Variants in UNC5C observed in about 807,000 individuals in gnomAD.
The protein encoded by UNC5C is netrin receptor UNC5C.
A neutral mutation model predicts 99.8 loss-of-function variants in UNC5C; 47 were observed. The observed-to-expected ratio is 0.47, with a 90% CI of 0.37 to 0.60. UNC5C has a LOEUF of 0.60. UNC5C is among the 20% of genes least tolerant of loss of function. The pLI is 0.00. For synonymous variants in UNC5C, 487 were observed against 452.2 expected, an observed-to-expected ratio of 1.08 and a Z score of -0.98; for missense variants, 1,062 against 1,165.9, an observed-to-expected ratio of 0.91 and a Z score of 1.30.
chr4:95,462,506 T>C (rs1478104370), intron 1 of UNC5C, among the ~76,000 whole-genome samples: 2 of 152,144 alleles, frequency 1.3e-5, no homozygotes, highest in Non-Finnish European at 2.9e-5. Context: ...ACTATAAAAA[T>C]GAAAATTTCA....
intron 1 of UNC5C, among the ~76,000 whole-genome samples, chr4:95,412,387 G>A (rs991043854): frequency 3.9e-5 from 6 of 152,098 alleles, no homozygotes; most frequent in Non-Finnish European, 7.4e-5. Flanking sequence ...CAAGGACCCT[G>A]CTTTTCTTTT....
intron 15 of UNC5C, 34 bp from the exon 16 acceptor site, chr4:95,169,433 T>C: frequency 6.2e-7 from 1 of 1,607,080 alleles, no homozygotes; most frequent in Non-Finnish European, 8.5e-7. Context: ...TGCTCAACAG[T>C]GTGACTTACA....
At chr4:95,520,059 C>T (rs1460696510) in intron 1 of UNC5C, among the ~76,000 whole-genome samples, 2 of 152,096 alleles carry the variant, frequency 1.3e-5, no homozygotes, top group Admixed American at 6.5e-5. Flanking sequence ...TCGCAACACT[C>T]CAAACACTTT....
intron 11 of UNC5C, among the ~76,000 whole-genome samples, chr4:95,204,279 A>G (rs764325703): frequency 1.2e-4 from 18 of 152,352 alleles, no homozygotes; most frequent in Middle Eastern, 3.4e-3. Context: ...ATTCATCTAT[A>G]TGGTTCAGGC....
chr4:95,235,294 C>G lies in UNC5C; in HGVS notation c.1108+7135G>C, dbSNP rs141693129. Among the ~76,000 whole-genome samples the G allele has an allele frequency of 2.3e-3, 355 of 152,242 alleles. 2 individuals are homozygous for G. The highest frequency in any genetic ancestry group is 8.0e-3 in the African/African-American group (333 of 41,534). On this transcript the variant is annotated intron_variant, in intron 7 of 15. Coordinates refer to ENST00000453304, the MANE Select transcript of UNC5C (RefSeq NM_003728.4). The stretch of plus-strand genomic sequence containing the variant: ...ATTATAAACATAATGGAATACTAAG[C>G]ATAAATAATGTATAGAATAGAAAGC...
At chr4:95,181,486 C>G (rs980191728) in intron 14 of UNC5C, among the ~76,000 whole-genome samples, 1 of 152,144 alleles carries the variant, frequency 6.6e-6, no homozygotes, top group African/African-American at 2.4e-5. Context: ...TCACCCCCCT[C>G]CAAAATTCCG....
chr4:95,301,695 A>G lies in UNC5C; in HGVS notation c.401T>C (p.Leu134Pro). ...IEISRQQVEE[L>P]FGPEDYWCQC... ...GCACCAGTAATCTTCAGGTCCAAAGAGTTCTTCCACTTGCTGGCGCGAAAT... is the reference window on the plus strand; with the variant it reads ...GCACCAGTAATCTTCAGGTCCAAAGGGTTCTTCCACTTGCTGGCGCGAAAT... The change falls in exon 3 of 16, where the codon CTC becomes CCC. Residue 134 changes from leucine (L) to proline (P), a missense_variant. Coordinates refer to ENST00000453304, the MANE Select transcript of UNC5C (RefSeq NM_003728.4). 2 of 1,613,522 alleles carry G rather than the reference A, an allele frequency of 1.2e-6. No homozygotes were observed. Among genetic ancestry groups the G allele is most frequent in the Non-Finnish European group, 1.7e-6 (2 of 1,180,028 alleles).
chr4:95,171,584 C>A (rs1579194294), intron 14 of UNC5C, among the ~76,000 whole-genome samples: 1 of 152,100 alleles, frequency 6.6e-6, no homozygotes, highest in African/African-American at 2.4e-5. Flanking sequence ...TTTTTCATGG[C>A]TGCATAGTAT....
intron 1 of UNC5C, among the ~76,000 whole-genome samples, chr4:95,532,419 T>C (rs1330141605): frequency 4.8e-5 from 7 of 145,844 alleles, no homozygotes; most frequent in Non-Finnish European, 8.9e-5. Flanking sequence ...TATGTATGCA[T>C]CAACAAAATA....
chr4:95,181,494 C>T (rs1736609319), intron 14 of UNC5C, among the ~76,000 whole-genome samples: 1 of 152,098 alleles, frequency 6.6e-6, no homozygotes, highest in Non-Finnish European at 1.5e-5. Context: ...CTCCAAAATT[C>T]CGCAGCCTTT....
At chr4:95,523,807 T>C (rs191832058) in intron 1 of UNC5C, among the ~76,000 whole-genome samples, 23 of 152,306 alleles carry the variant, frequency 1.5e-4, no homozygotes, top group Middle Eastern at 6.8e-3. Context: ...CAATGTTACC[T>C]TTAGAAATAA....
At chr4:95,419,380 G>C (rs1560825975) in intron 1 of UNC5C, among the ~76,000 whole-genome samples, 1 of 151,874 alleles carries the variant, frequency 6.6e-6, no homozygotes. Flanking sequence ...TTGCCTTTTT[G>C]CCCATGGGTT....
At chr4:95,209,290 C>A (rs1040700531) in intron 10 of UNC5C, among the ~76,000 whole-genome samples, 1 of 152,170 alleles carries the variant, frequency 6.6e-6, no homozygotes, top group African/African-American at 2.4e-5. Context: ...TTTATCAGCA[C>A]GCATAAAACT....
At chr4:95,292,214 T>TAC (rs1224582697) in intron 3 of UNC5C, among the ~76,000 whole-genome samples, 2 of 106,936 alleles carry the variant, frequency 1.9e-5, no homozygotes, top group Non-Finnish European at 3.9e-5. Context: ...TATACATATA[T>TAC]ATACACACAC....
intron 4 of UNC5C, among the ~76,000 whole-genome samples, chr4:95,269,284 T>TTTTG (rs1240335972): frequency 2.0e-5 from 3 of 151,744 alleles, no homozygotes; most frequent in Non-Finnish European, 4.4e-5. Flanking sequence ...TGCAGAGTGG[T>TTTTG]TTTGTTTGTT....
intron 3 of UNC5C, among the ~76,000 whole-genome samples, chr4:95,298,403 C>T (rs1279648673): frequency 2.0e-5 from 3 of 152,154 alleles, no homozygotes; most frequent in African/African-American, 7.2e-5. Flanking sequence ...CATCTTTAGC[C>T]CAGGCCTTAC....
At chr4:95,444,361 C>T (rs1472984436) in intron 1 of UNC5C, among the ~76,000 whole-genome samples, 1 of 148,096 alleles carries the variant, frequency 6.8e-6, no homozygotes, top group Non-Finnish European at 1.5e-5. Context: ...GACGGAGTCT[C>T]GCTCTGTCGC....
Position 95,165,976 on chromosome 4 carries a change from A to T in UNC5C, c.*3258T>A, listed in dbSNP as rs192632253. 6.6e-6 allele frequency: 1 copy of T among 152,286 alleles called. No individual in the cohort carries two copies. The highest frequency in any genetic ancestry group is 1.9e-4 in the East Asian group (1 of 5,180). 9.4% of individuals were successfully genotyped at this position (152,286 alleles called of 1,614,324 possible). On this transcript the variant is annotated 3_prime_UTR_variant, in exon 16 of 16. Coordinates refer to ENST00000453304, the MANE Select transcript of UNC5C (RefSeq NM_003728.4). ...GTGATGCAAATGAAAAAAAAGTGAGAATAAGAAAATTATAAATTTGAAGTG... is the reference window on the plus strand; with the variant it reads ...GTGATGCAAATGAAAAAAAAGTGAGTATAAGAAAATTATAAATTTGAAGTG...
intron 10 of UNC5C, among the ~76,000 whole-genome samples, chr4:95,207,057 T>C (rs1470898901): frequency 1.3e-5 from 2 of 152,132 alleles, no homozygotes; most frequent in Non-Finnish European, 2.9e-5. Context: ...CCTCCGACAC[T>C]GGTCTTTCTA....
Sources: allele counts gnomAD v4.1 joint callset (sites outside exome capture counted in the v4.1 genomes callset), GRCh38; gene constraint gnomAD v4.1.1; transcripts MANE v1.5; gene names NCBI Gene and HGNC (gene_info 2026-07-23, HGNC 2026-07-21).